ATL1: variants seen among roughly 807,000 people sequenced by gnomAD.
ATL1 encodes atlastin GTPase 1.
A neutral mutation model predicts 75.5 loss-of-function variants in ATL1; 31 were observed. The observed-to-expected ratio is 0.41, with a 90% CI of 0.31 to 0.55. The LOEUF (loss-of-function observed/expected upper bound fraction) is 0.55, where lower values mean the gene tolerates loss of function less well. ATL1 is among the 20% of genes least tolerant of loss of function. The pLI, the probability that ATL1 is intolerant of heterozygous loss-of-function variation, is 0.27. For missense variants in ATL1, 405 were observed against 662.6 expected (o/e 0.61, Z 4.27); for synonymous variants, 226 against 233.3 (o/e 0.97, Z 0.28).
At chr14:50,618,949 G>A (rs189667046) in intron 8 of ATL1, among the ~76,000 whole-genome samples, 3 of 152,028 alleles carry the variant, frequency 2.0e-5, no homozygotes, top group Non-Finnish European at 1.5e-5. Context: ...GGAGTGCAGT[G>A]GCACAATCTT....
intron 6 of ATL1, among the ~76,000 whole-genome samples, chr14:50,610,048 C>T (rs558638084): frequency 6.6e-6 from 1 of 151,906 alleles, no homozygotes; most frequent in African/African-American, 2.4e-5. Context: ...GCTTCAGGCC[C>T]CATAAAACCT....
intron 1 of ATL1, among the ~76,000 whole-genome samples, chr14:50,578,992 C>T (rs1177450177): frequency 6.6e-6 from 1 of 152,046 alleles, no homozygotes; most frequent in African/African-American, 2.4e-5. Context: ...TTTGTAAATC[C>T]AATATGTGAA....
chr14:50,613,325 G>A lies in ATL1; in HGVS notation c.697G>A (p.Ala233Thr). Residue 233 changes from alanine to threonine, a missense_variant, in exon 7 of 14, where the codon GCC becomes ACC. Physicochemically the swap from Ala to Thr is moderately conservative, Grantham distance 58 (BLOSUM62 0). This residue lies in a region of ATL1 where 59 missense variants were observed against 161.4 expected (regional missense o/e 0.37). Coordinates refer to ENST00000358385, the MANE Select transcript of ATL1 (RefSeq NM_015915.5). Reference protein sequence around the residue: ...YEFSYGADGGAKFLEKRLKVS... With the variant: ...YEFSYGADGGTKFLEKRLKVS... ...ATTTTCATATGGAGCCGATGGTGGTGCCAAATTCTTGGAAAAACGCCTCAA... is the reference window on the plus strand; with the variant it reads ...ATTTTCATATGGAGCCGATGGTGGTACCAAATTCTTGGAAAAACGCCTCAA... 1 of 1,613,244 alleles carries A rather than the reference G, an allele frequency of 6.2e-7. No homozygotes were observed. Among genetic ancestry groups the A allele is most frequent in the Non-Finnish European group, 8.5e-7 (1 of 1,179,620 alleles).
intron 6 of ATL1, among the ~76,000 whole-genome samples, chr14:50,605,905 T>C (rs922908767): frequency 2.0e-5 from 3 of 152,058 alleles, no homozygotes; most frequent in African/African-American, 2.4e-5. Flanking sequence ...AAGACCAGGG[T>C]TTAAATTCAA....
At chr14:50,585,821 C>T (rs1320133539) in intron 1 of ATL1, among the ~76,000 whole-genome samples, 1 of 152,088 alleles carries the variant, frequency 6.6e-6, no homozygotes, top group Admixed American at 6.5e-5. Flanking sequence ...AATATAGAAG[C>T]TATTATCTTT....
intron 6 of ATL1, among the ~76,000 whole-genome samples, chr14:50,601,736 C>G (rs1215832761): frequency 6.6e-6 from 1 of 152,202 alleles, no homozygotes; most frequent in Non-Finnish European, 1.5e-5. Flanking sequence ...GTATAAAAAT[C>G]TGGCAGGAGC....
chr14:50,567,620 A>T (rs1603015), intron 1 of ATL1, among the ~76,000 whole-genome samples: 130,303 of 152,236 alleles, frequency 0.86, 57,198 homozygotes, highest in Non-Finnish European at 0.94. Flanking sequence ...ATCTTCGCCA[A>T]CACTTGTTAT....
intron 11 of ATL1, among the ~76,000 whole-genome samples, chr14:50,624,534 C>T (rs971132163): frequency 1.3e-5 from 2 of 152,006 alleles, no homozygotes; most frequent in African/African-American, 4.8e-5. Context: ...TCCCTCTCTG[C>T]AGTCCTTTCT....
intron 1 of ATL1, among the ~76,000 whole-genome samples, chr14:50,563,179 A>G (rs542128631): frequency 3.1e-4 from 47 of 152,306 alleles, no homozygotes; most frequent in Middle Eastern, 3.4e-3. Flanking sequence ...CCTCTTAAGT[A>G]TGTGTCTTAG....
At chr14:50,570,125 T>C (rs1270956599) in intron 1 of ATL1, among the ~76,000 whole-genome samples, 2 of 152,206 alleles carry the variant, frequency 1.3e-5, no homozygotes, top group African/African-American at 4.8e-5. Context: ...CTACAAATAA[T>C]CTCTCTGCCA....
At chr14:50,621,557 C>T (rs1334539512) in intron 9 of ATL1, among the ~76,000 whole-genome samples, 1 of 152,016 alleles carries the variant, frequency 6.6e-6, no homozygotes, top group Non-Finnish European at 1.5e-5. Context: ...CTGAAAAGGG[C>T]GTTACTCCCG....
intron 6 of ATL1, among the ~76,000 whole-genome samples, chr14:50,609,671 C>G (rs1383577456): frequency 6.6e-6 from 1 of 151,844 alleles, no homozygotes; most frequent in Non-Finnish European, 1.5e-5. Context: ...ACACACACAC[C>G]ACACACAATT....
At position 50,626,842 on chromosome 14, in the gene ATL1, C is replaced by CT. The variant is rs1171683021; in HGVS notation, c.1120-1187dup. ...ACCCTACTGAGCTATTGAACACTGTCTTATTTCTTCTAACTGCTTTATTTG... is the reference window on the plus strand; with the variant it reads ...ACCCTACTGAGCTATTGAACACTGTCTTTATTTCTTCTAACTGCTTTATTTG... On this transcript the variant is annotated intron_variant, in intron 11 of 13. Coordinates refer to ENST00000358385, the MANE Select transcript of ATL1 (RefSeq NM_015915.5). Among the ~76,000 whole-genome samples, 3 of 152,148 alleles carry CT rather than the reference C, an allele frequency of 2.0e-5. No homozygotes were observed. The East Asian group carries it at 5.8e-4, about 29-fold the overall frequency.
chr14:50,590,969 A>G lies in ATL1; in HGVS notation c.311A>G (p.Asn104Ser), dbSNP rs377736535. The change falls in exon 3 of 14, where the codon AAT (asparagine) becomes AGT (serine). Residue 104 changes from asparagine to serine, a missense_variant. This residue lies in a region of ATL1 where 126 missense variants were observed against 172.0 expected (regional missense o/e 0.73). Coordinates refer to ENST00000358385, the MANE Select transcript of ATL1 (RefSeq NM_015915.5). ...QESVDWVGDY[N>S]EPLTGFSWRG... ...TCAGTTGATTGGGTTGGAGACTACAATGAACCATTGACTGGTTTTTCATGG... is the reference window on the plus strand; with the variant it reads ...TCAGTTGATTGGGTTGGAGACTACAGTGAACCATTGACTGGTTTTTCATGG... 75 of 1,613,846 alleles carry G rather than the reference A, an allele frequency of 4.6e-5. No individual in the cohort carries two copies. Among genetic ancestry groups the G allele is most frequent in the Non-Finnish European group, 5.1e-5 (60 of 1,179,914 alleles).
chr14:50,616,121 G>A (rs927674938), intron 8 of ATL1, among the ~76,000 whole-genome samples: 2 of 151,774 alleles, frequency 1.3e-5, no homozygotes, highest in African/African-American at 4.8e-5. Context: ...AGCCTCCCAA[G>A]TAGCTAGGAC....
At chr14:50,587,366 A>G (rs1049427300) in intron 1 of ATL1, among the ~76,000 whole-genome samples, 2 of 152,186 alleles carry the variant, frequency 1.3e-5, no homozygotes, top group African/African-American at 4.8e-5. Flanking sequence ...TGTGAATGAC[A>G]TTAAAATATG....
chr14:50,585,470 A>G lies in ATL1; in HGVS notation c.35-2361A>G, dbSNP rs552502941. Among the ~76,000 whole-genome samples the G allele has an allele frequency of 3.9e-5, 6 of 152,366 alleles. No homozygotes were observed. In the South Asian group the frequency reaches 1.2e-3, roughly 32 times the overall value. On this transcript the variant is annotated intron_variant, in intron 1 of 13. Coordinates refer to ENST00000358385, the MANE Select transcript of ATL1 (RefSeq NM_015915.5). ...TAAATCATAGGCAAGGAGCGTCATC[A>G]AATAAAATATGTATTTGCTATTCTC...
At chr14:50,628,610 A>G in intron 12 of ATL1, 148 bp downstream of exon 12, 1 of 777,606 alleles carries the variant, frequency 1.3e-6, no homozygotes, top group East Asian at 2.7e-5. Flanking sequence ...GATACAAGCA[A>G]CTAACTATAT....
intron 11 of ATL1, among the ~76,000 whole-genome samples, chr14:50,625,470 T>C (rs143156579): frequency 5.6e-4 from 86 of 152,298 alleles, no homozygotes; most frequent in African/African-American, 1.9e-3. Flanking sequence ...GAAATAGTCT[T>C]CTATTGGAAG....
Sources: gnomAD v4.1 joint callset for allele counts (sites outside exome capture counted in the v4.1 genomes callset) on GRCh38, gnomAD v4.1.1 for gene constraint, gnomAD v4.1.1 regional missense constraint, MANE v1.5 for transcripts, NCBI Gene and HGNC (gene_info 2026-07-23, HGNC 2026-07-21) for gene names.